The following RET variants were observed in gnomAD, a reference collection of about 807,000 sequenced individuals.
The protein encoded by RET is proto-oncogene tyrosine-protein kinase receptor Ret.
In RET, 19 loss-of-function variants were observed where a neutral mutation model predicts 118.3. The ratio of observed to expected loss-of-function variants is 0.16; its 90% CI spans 0.11 to 0.24. The LOEUF is 0.24. Among genes scored for constraint, RET ranks in the 10% least tolerant of loss-of-function variants. The probability of loss-of-function intolerance (pLI) is 1.00; values close to 1 mark genes in which losing one functional copy is unlikely to be tolerated. For synonymous variants in RET, 597 were observed against 644.1 expected (o/e 0.93, Z 1.11); for missense variants, 1,219 against 1,502.1 (o/e 0.81, Z 3.12).
At position 43,116,678 on chromosome 10, in the gene RET, T is replaced by G; in HGVS notation, c.2231T>G (p.Phe744Cys). The G allele has an allele frequency of 6.2e-7, 1 of 1,613,704 alleles. No individual in the cohort carries two copies. Among genetic ancestry groups the G allele is most frequent in the Admixed American group, 1.7e-5 (1 of 59,986 alleles). ...EFGKVVKATA[F>C]HLKGRAGYTT... ...GGAAAAGTGGTCAAGGCAACGGCCTTCCATCTGAAAGGCAGAGCAGGGTAC... is the reference window on the plus strand; with the variant it reads ...GGAAAAGTGGTCAAGGCAACGGCCTGCCATCTGAAAGGCAGAGCAGGGTAC... Residue 744 changes from phenylalanine (F) to cysteine (C), a missense_variant, in exon 12 of 20, where the codon TTC (phenylalanine) becomes TGC (cysteine). This residue lies in a region of RET where 850 missense variants were observed against 969.6 expected (regional missense o/e 0.88). Transcript: ENST00000355710.
intron 1 of RET, among the ~76,000 whole-genome samples, chr10:43,081,215 T>C (rs1247822984): frequency 6.7e-6 from 1 of 149,640 alleles, no homozygotes; most frequent in Admixed American, 6.6e-5. Context: ...CTTTGGAGGC[T>C]GCTTCCTGGT....
Position 43,082,419 on chromosome 10 carries a change from C to G in RET, c.73+5088C>G, listed in dbSNP as rs148302736. 4.6e-3 allele frequency among the ~76,000 whole-genome samples: 708 copies of G among 152,344 alleles called. 2 individuals carry two copies. Among genetic ancestry groups the G allele is most frequent in the Non-Finnish European group, 5.6e-3 (381 of 68,026 alleles). Reference sequence around the variant, plus strand: ...CACCACAGAAAGGTCACCGCTGCACCTGGACAGGTGTGCGCCTACCTGGTG... The same window carrying G: ...CACCACAGAAAGGTCACCGCTGCACGTGGACAGGTGTGCGCCTACCTGGTG... On this transcript the variant is annotated intron_variant, in intron 1 of 19. Coordinates refer to ENST00000355710, the MANE Select transcript of RET (RefSeq NM_020975.6).
At chr10:43,118,343 G>T (rs199938820) in intron 12 of RET, 30 bp from the exon 13 acceptor site, 1 of 1,583,940 alleles carries the variant, frequency 6.3e-7, no homozygotes, top group Non-Finnish European at 8.7e-7. Flanking sequence ...AGGAGCGATC[G>T]TTTGCAACCT....
chr10:43,089,813 G>T lies in RET; in HGVS notation c.74-10646G>T, dbSNP rs1039699474. On this transcript the variant is annotated intron_variant, in intron 1 of 19. Coordinates refer to ENST00000355710, the MANE Select transcript of RET (RefSeq NM_020975.6). Reference sequence around the variant, plus strand: ...GCCGTCCCTGCCAAGAGCAGGTTGAGTGTATGGGCACTGTCTGTCAGCCTC... The same window carrying T: ...GCCGTCCCTGCCAAGAGCAGGTTGATTGTATGGGCACTGTCTGTCAGCCTC... 1.6e-4 allele frequency among the ~76,000 whole-genome samples: 24 copies of T among 152,260 alleles called. 1 individual carries two copies. Among genetic ancestry groups the T allele is most frequent in the Admixed American group, 1.6e-3 (24 of 15,284 alleles).
Position 43,112,890 on chromosome 10 carries a change from C to A in RET, c.1686C>A (p.Thr562=), listed in dbSNP as rs767502292. The A allele has an allele frequency of 6.2e-7, 1 of 1,614,114 alleles. No homozygotes were observed. The highest frequency in any genetic ancestry group is 8.5e-7 in the Non-Finnish European group (1 of 1,180,006). ...ACTTCTCCACCTGCTCTCCCAGCACCAAGACCTGCCCCGACGGCCACTGCG... is the reference window on the plus strand; with the variant it reads ...ACTTCTCCACCTGCTCTCCCAGCACAAAGACCTGCCCCGACGGCCACTGCG... ...TRNFSTCSPS[T]KTCPDGHCDV... is the part of the protein sequence containing the mutation. Residue 562 remains threonine (T), a synonymous_variant, in exon 9 of 20, where the codon ACC becomes ACA. Coordinates refer to ENST00000355710, the MANE Select transcript of RET (RefSeq NM_020975.6).
rs528973999 is a variant in RET, at chr10:43,088,231, A to G, written c.73+10900A>G. On this transcript the variant is annotated intron_variant, in intron 1 of 19. Transcript: ENST00000355710. ...GGTGGGAATGGTGGTGGTGGAGGCAATGGTGGTGGTGATGGTGGTGGTGGA... is the reference window on the plus strand; with the variant it reads ...GGTGGGAATGGTGGTGGTGGAGGCAGTGGTGGTGGTGATGGTGGTGGTGGA... Among the ~76,000 whole-genome samples the G allele has an allele frequency of 9.8e-5, 13 of 132,614 alleles. No individual in the cohort carries two copies. The South Asian group carries it at 3.1e-3, about 32-fold the overall frequency. The allele number at this position is 132,614 out of a possible 152,430, so 87.0% of individuals were successfully genotyped here. A position where few individuals can be genotyped will look rare whatever the true frequency, so the allele number is the denominator to read the frequency against.
intron 19 of RET, 176 bp downstream of exon 19, chr10:43,126,898 C>A: frequency 6.9e-7 from 1 of 1,442,008 alleles, no homozygotes; most frequent in South Asian, 1.5e-5. Context: ...GGCATTATTG[C>A]AACTATGTTT....
In RET at chr10:43,126,662, T is replaced by A. The variant is rs1367574614; in HGVS notation, c.3127T>A (p.Cys1043Ser). The A allele has an allele frequency of 6.2e-7, 1 of 1,614,122 alleles. No homozygotes were observed. The highest frequency in any genetic ancestry group is 8.5e-7 in the Non-Finnish European group (1 of 1,180,030). ...LSEEETPLVD[C>S]NNAPLPRALP... ...AGAGGAGGAGACACCGCTGGTGGAC[T>A]GTAATAATGCCCCCCTCCCTCGAGC... Residue 1043 changes from cysteine (C) to serine (S), a missense_variant, in exon 19 of 20, where the codon TGT (cysteine) becomes AGT (serine). Transcript: ENST00000355710.
intron 1 of RET, among the ~76,000 whole-genome samples, chr10:43,078,274 C>T (rs1837096251): frequency 2.0e-5 from 3 of 152,214 alleles, no homozygotes; most frequent in African/African-American, 7.2e-5. Flanking sequence ...AACCAAGTTT[C>T]CCTCTAAGAG....
intron 1 of RET, among the ~76,000 whole-genome samples, chr10:43,086,424 A>G (rs982675880): frequency 2.0e-5 from 3 of 152,178 alleles, no homozygotes; most frequent in African/African-American, 2.4e-5. Context: ...AAATTTGCAC[A>G]TGGACATGAT....
Position 43,111,252 on chromosome 10 carries a change from A to C in RET, c.1309A>C (p.Asn437His). 1 of 1,614,138 alleles carries C rather than the reference A, an allele frequency of 6.2e-7. No homozygotes were observed. Among genetic ancestry groups the C allele is most frequent in the Admixed American group, 1.7e-5 (1 of 60,028 alleles). Residue 437 changes from asparagine (N) to histidine (H), a missense_variant, in exon 7 of 20, where the codon AAC (asparagine) becomes CAC (histidine). Physicochemically the swap from Asn to His is moderately conservative, Grantham distance 68 (BLOSUM62 1). Coordinates refer to ENST00000355710, the MANE Select transcript of RET (RefSeq NM_020975.6). ...AAACTGCCAGGCATTCAGTGGCATC[A>C]ACGTCCAGTACAAGCTGCATTCCTC... ...VENCQAFSGI[N>H]VQYKLHSSGA...
rs1837065209 is a variant in RET, at chr10:43,077,287, G to GGCTGCGTCTGCTGTTGCT, written c.35_52dup (p.Arg12_Leu17dup). On this transcript the variant is annotated inframe_insertion, in exon 1 of 20. Coordinates refer to ENST00000355710, the MANE Select transcript of RET (RefSeq NM_020975.6). ...GCGAAGGCGACGTCCGGTGCCGCGG[G>GGCTGCGTCTGCTGTTGCT]GCTGCGTCTGCTGTTGCTGCTGCTG... The GGCTGCGTCTGCTGTTGCT allele has an allele frequency of 6.6e-7, 1 of 1,509,372 alleles. No individual in the cohort carries two copies. The highest frequency in any genetic ancestry group is 1.4e-5 in the African/African-American group (1 of 70,002). The allele number at this position is 1,509,372 out of a possible 1,614,324, so 93.5% of individuals were successfully genotyped here. A position where few individuals can be genotyped will look rare whatever the true frequency, so the allele number is the denominator to read the frequency against.
intron 7 of RET, 117 bp downstream of exon 7, chr10:43,111,582 C>T (rs2132781320): frequency 8.5e-7 from 1 of 1,178,698 alleles, no homozygotes; most frequent in Non-Finnish European, 1.2e-6. Flanking sequence ...GTGGGGAAGG[C>T]ATGGACCAGC....
rs765305476 is a variant in RET at position 43,109,077 on chromosome 10, G to A, written c.1110G>A (p.Met370Ile). 1 of 1,613,806 alleles carries A rather than the reference G, an allele frequency of 6.2e-7. No individual in the cohort carries two copies. The highest frequency in any genetic ancestry group is 1.1e-5 in the South Asian group (1 of 91,084). ...RNLSISENRT[M>I]QLAVLVNDSD... ...TCTCCATCTCGGAGAACCGCACCAT[G>A]CAGCTGGCGGTGCTGGTCAATGACT... The change falls in exon 6 of 20, where the codon ATG (methionine) becomes ATA (isoleucine). Residue 370 changes from methionine to isoleucine, a missense_variant. Met to Ile is a conservative substitution (Grantham distance 10). This residue lies in a region of RET where 850 missense variants were observed against 969.6 expected (regional missense o/e 0.88). Coordinates refer to ENST00000355710, the MANE Select transcript of RET (RefSeq NM_020975.6).
At chr10:43,127,610 C>A in intron 19 of RET, 2 of 409,092 alleles carry the variant, frequency 4.9e-6, no homozygotes, top group Non-Finnish European at 6.9e-6. Context: ...TCACTGACTC[C>A]TCACTGGCTT....
intron 5 of RET, among the ~76,000 whole-genome samples, chr10:43,108,756 T>C (rs1435615079): frequency 6.6e-6 from 1 of 152,082 alleles, no homozygotes; most frequent in Non-Finnish European, 1.5e-5. Context: ...AAGCATATCA[T>C]ACACACAGAC....
At position 43,114,931 on chromosome 10, in the gene RET, G is replaced by A. The variant is rs562466036; in HGVS notation, c.2136+195G>A. Among the ~76,000 whole-genome samples, 50 of 152,172 alleles carry A rather than the reference G, an allele frequency of 3.3e-4. No homozygotes were observed. The highest frequency in any genetic ancestry group is 6.5e-4 in the Non-Finnish European group (44 of 68,022). ...TGGGGTGGGACTGTGATGAGGTGCCGTTCCCATCTAGGTGAGAGGCAGTGG... is the reference window on the plus strand; with the variant it reads ...TGGGGTGGGACTGTGATGAGGTGCCATTCCCATCTAGGTGAGAGGCAGTGG... On this transcript the variant is annotated intron_variant, in intron 11 of 19. Coordinates refer to ENST00000355710, the MANE Select transcript of RET (RefSeq NM_020975.6). The surrounding 1 kb of genome is among the most constrained non-coding windows in gnomAD (Gnocchi z 4.6).
chr10:43,125,014 A>C (rs1374329185), intron 18 of RET, 32 bp downstream of exon 18: 1 of 1,605,696 alleles, frequency 6.2e-7, no homozygotes. Flanking sequence ...CCACAAGCTG[A>C]AAGTGGCTTG....
chr10:43,106,192 G>A lies in RET; in HGVS notation c.868-184G>A, dbSNP rs1564491970. 6.6e-6 allele frequency among the ~76,000 whole-genome samples: 1 copy of A among 152,218 alleles called. No homozygotes were observed. The highest frequency in any genetic ancestry group is 2.1e-4 in the South Asian group (1 of 4,836). ...AGTGGCTCAGGGAAGGTGACGGCCA[G>A]GCTGGCCAGTGACCCCGTGGGAACT... is the stretch of plus-strand genomic sequence containing the variant. On this transcript the variant is annotated intron_variant, in intron 4 of 19. Coordinates refer to ENST00000355710, the MANE Select transcript of RET (RefSeq NM_020975.6). The surrounding 1 kb of genome is among the most constrained non-coding windows in gnomAD (Gnocchi z 5.1).
Sources: gnomAD v4.1 joint callset for allele counts (sites outside exome capture counted in the v4.1 genomes callset) on GRCh38, gnomAD v4.1.1 for gene constraint, gnomAD v4.1.1 regional missense constraint, Gnocchi (gnomAD v3.1) non-coding constraint, MANE v1.5 for transcripts, NCBI Gene and HGNC (gene_info 2026-07-23, HGNC 2026-07-21) for gene names.